The following ATP2B2 variants were observed in gnomAD, a reference collection of about 807,000 sequenced individuals.
ATP2B2 encodes the protein ATPase plasma membrane Ca2+ transporting 2, also known as plasma membrane calcium-transporting ATPase 2.
ATP2B2 carries 15 observed loss-of-function variants against 120.0 expected under a neutral mutation model. The ratio of observed to expected loss-of-function variants is 0.12; its 90% confidence interval spans 0.08 to 0.19. The LOEUF (loss-of-function observed/expected upper bound fraction) is 0.19. Among genes scored for constraint, ATP2B2 ranks in the 10% least tolerant of loss-of-function variants. The probability of loss-of-function intolerance (pLI) is 1.00; values close to 1 mark genes in which losing one functional copy is unlikely to be tolerated. For synonymous variants in ATP2B2, 694 were observed against 700.3 expected, an observed-to-expected ratio of 0.99 and a Z score of 0.14; for missense variants, 1,045 against 1,719.8, an observed-to-expected ratio of 0.61 and a Z score of 6.94.
intron 1 of ATP2B2, among the ~76,000 whole-genome samples, chr3:10,694,336 C>T (rs1013713367): frequency 6.6e-6 from 1 of 152,234 alleles, no homozygotes; most frequent in African/African-American, 2.4e-5. Context: ...TCCCCCATCC[C>T]TAACCTTTGA....
At chr3:10,657,296 T>C (rs1447795597) in intron 1 of ATP2B2, among the ~76,000 whole-genome samples, 5 of 152,194 alleles carry the variant, frequency 3.3e-5, no homozygotes, top group African/African-American at 4.8e-5. Context: ...TACAATGCCA[T>C]TCCCACCTTC....
chr3:10,485,250 A>G (rs2065596101), intron 1 of ATP2B2, among the ~76,000 whole-genome samples: 1 of 152,184 alleles, frequency 6.6e-6, no homozygotes, highest in Non-Finnish European at 1.5e-5. Flanking sequence ...TGGTTTTCTC[A>G]TTGAAGTCCT....
chr3:10,428,805 G>A (rs540445305), intron 2 of ATP2B2, among the ~76,000 whole-genome samples: 1 of 152,346 alleles, frequency 6.6e-6, no homozygotes, highest in South Asian at 2.1e-4. Flanking sequence ...GGCAGTGTGA[G>A]GTGTCACAGA....
chr3:10,461,814 T>A (rs2064502988), intron 1 of ATP2B2, among the ~76,000 whole-genome samples: 1 of 152,146 alleles, frequency 6.6e-6, no homozygotes, highest in Admixed American at 6.5e-5. Flanking sequence ...CTCAAAATAA[T>A]CTCCAACTCC....
At chr3:10,554,322 C>T (rs2067733712) in intron 2 of ATP2B2, among the ~76,000 whole-genome samples, 1 of 152,180 alleles carries the variant, frequency 6.6e-6, no homozygotes. Flanking sequence ...TGCACAAAGA[C>T]ACCCACATCC....
chr3:10,354,936 AG>A (rs2060671976), intron 14 of ATP2B2, among the ~76,000 whole-genome samples: 1 of 152,178 alleles, frequency 6.6e-6, no homozygotes, highest in African/African-American at 2.4e-5. Context: ...CGAGTCCAGG[AG>A]GACAGAGCTC....
Position 10,471,399 on chromosome 3 carries a change from T to C in ATP2B2, c.-319-21537A>G, listed in dbSNP as rs928927535. 3.3e-3 allele frequency among the ~76,000 whole-genome samples: 460 copies of C among 139,302 alleles called. 2 individuals carry two copies. Among genetic ancestry groups the C allele is most frequent in the African/African-American group, 0.013 (445 of 35,452 alleles). 91.4% of individuals were successfully genotyped at this position (139,302 alleles called of 152,430 possible). ...GTGTGTGTGTGTGTGTGTGTGTGTG[T>C]TTGTGTGCGTGCACGTGTGCGTGCG... On this transcript the variant is annotated intron_variant, in intron 1 of 22. Transcript: ENST00000360273.
intron 12 of ATP2B2, among the ~76,000 whole-genome samples, chr3:10,360,796 G>A (rs777645449): frequency 1.3e-5 from 2 of 152,192 alleles, no homozygotes; most frequent in East Asian, 1.9e-4. Context: ...GTGTGCGTGT[G>A]TATTTTCTAT....
chr3:10,593,493 G>A (rs1011514507), intron 2 of ATP2B2, among the ~76,000 whole-genome samples: 1 of 152,112 alleles, frequency 6.6e-6, no homozygotes, highest in Admixed American at 6.5e-5. Flanking sequence ...AATGGTGCTG[G>A]GAAAACTGGC....
intron 1 of ATP2B2, among the ~76,000 whole-genome samples, chr3:10,633,976 T>C (rs1282809336): frequency 6.6e-6 from 1 of 152,084 alleles, no homozygotes; most frequent in Non-Finnish European, 1.5e-5. Flanking sequence ...GGATCCCAGG[T>C]AAGAATGCCC....
At chr3:10,683,715 TAC>T (rs1436142120) in intron 1 of ATP2B2, among the ~76,000 whole-genome samples, 1 of 142,806 alleles carries the variant, frequency 7.0e-6, no homozygotes, top group East Asian at 2.2e-4. Flanking sequence ...TATATGTATA[TAC>T]ATGTGTGTGT....
chr3:10,547,253 A>G (rs970587282), intron 2 of ATP2B2, among the ~76,000 whole-genome samples: 6 of 152,102 alleles, frequency 3.9e-5, no homozygotes, highest in Admixed American at 3.3e-4. Flanking sequence ...ACCGACTGCC[A>G]CTGAGGCTGT....
At chr3:10,493,218 G>A (rs181064918) in intron 1 of ATP2B2, among the ~76,000 whole-genome samples, 4 of 152,160 alleles carry the variant, frequency 2.6e-5, no homozygotes, top group African/African-American at 2.4e-5. Flanking sequence ...CATGCTATTC[G>A]AAAACAAGTG....
chr3:10,364,218 A>G (rs2125468163), intron 12 of ATP2B2, among the ~76,000 whole-genome samples: 1 of 152,296 alleles, frequency 6.6e-6, no homozygotes, highest in Non-Finnish European at 1.5e-5. Flanking sequence ...GGTGCCAGAC[A>G]TGGGAGGAGA....
chr3:10,470,403 G>T (rs2064934715), intron 1 of ATP2B2, among the ~76,000 whole-genome samples: 1 of 152,092 alleles, frequency 6.6e-6, no homozygotes, highest in Non-Finnish European at 1.5e-5. Flanking sequence ...CTGAACCCAG[G>T]CCAGTGTGAT....
intron 5 of ATP2B2, among the ~76,000 whole-genome samples, chr3:10,399,639 T>C: frequency 6.6e-6 from 1 of 152,234 alleles, no homozygotes; most frequent in East Asian, 1.9e-4. Flanking sequence ...TAACAATTGT[T>C]GGTTGAATAA....
intron 12 of ATP2B2, 149 bp from the exon 13 acceptor site, chr3:10,360,272 A>ACCCT: frequency 7.3e-7 from 1 of 1,367,448 alleles, no homozygotes; most frequent in South Asian, 1.6e-5. Flanking sequence ...CATCCCCTGC[A>ACCCT]CCCTCAGGGC....
intron 2 of ATP2B2, among the ~76,000 whole-genome samples, chr3:10,599,965 G>A (rs962484097): frequency 7.2e-5 from 11 of 152,354 alleles, no homozygotes; most frequent in African/African-American, 2.6e-4. Context: ...GGGGAAGGTG[G>A]GAGAGGTAGC....
At chr3:10,348,397 T>C (rs1193409035) in intron 16 of ATP2B2, among the ~76,000 whole-genome samples, 3 of 152,194 alleles carry the variant, frequency 2.0e-5, no homozygotes, top group Admixed American at 2.0e-4. Context: ...TTTTCTAAAA[T>C]GATGCTTCTA....
Sources: allele counts gnomAD v4.1 joint callset (sites outside exome capture counted in the v4.1 genomes callset), GRCh38; gene constraint gnomAD v4.1.1; transcripts MANE v1.5; gene names NCBI Gene and HGNC (gene_info 2026-07-23, HGNC 2026-07-21).